Variants in MRPS35 observed in about 807,000 individuals in gnomAD.
The protein encoded by MRPS35 is mitochondrial ribosomal protein S35.
A neutral mutation model predicts 32.7 loss-of-function variants in MRPS35; 29 were observed. The observed-to-expected ratio is 0.89, with a 90% CI of 0.66 to 1.21. The LOEUF (loss-of-function observed/expected upper bound fraction) is 1.21. Among genes scored for constraint, MRPS35 ranks in the 50% most tolerant of loss-of-function variants. MRPS35 has a pLI of 0.00. For synonymous variants in MRPS35, 148 were observed against 139.3 expected (o/e 1.06, Z -0.44); for missense variants, 373 against 383.8 (o/e 0.97, Z 0.23).
In MRPS35 at chr12:27,724,193, GTTTT is replaced by G. The variant is rs762836743; in HGVS notation, c.522+11_522+14del. 167 of 1,537,710 alleles carry G rather than the reference GTTTT, an allele frequency of 1.1e-4. 1 individual carries two copies. Among genetic ancestry groups the G allele is most frequent in the South Asian group, 9.5e-4 (75 of 78,726 alleles). ...ACGAGTAGTAGTCTTAAGAGTAAGA[GTTTT>G]TTTCATTTTTTTTTTTTAAATAAGA... On this transcript the variant is annotated splice_region_variant and intron_variant, in intron 5 of 7. Coordinates refer to ENST00000081029, the MANE Select transcript of MRPS35 (RefSeq NM_021821.4).
At chr12:27,714,075 CAAAAA>C (rs34481044) in intron 1 of MRPS35, among the ~76,000 whole-genome samples, 4 of 78,586 alleles carry the variant, frequency 5.1e-5, no homozygotes, top group Admixed American at 1.5e-4. Flanking sequence ...GACCTTGTCT[CAAAAA>C]AAAAAAAAAA....
chr12:27,725,648 A>G (rs2061896653), intron 5 of MRPS35: 1 of 186,394 alleles, frequency 5.4e-6, no homozygotes, highest in Non-Finnish European at 1.2e-5. Flanking sequence ...CAACCTACAT[A>G]TTACCTGTCA....
chr12:27,756,275 A>G lies in MRPS35; in HGVS notation c.*825A>G, dbSNP rs1159110180. The G allele has an allele frequency of 6.6e-6, 1 of 152,270 alleles. No individual in the cohort carries two copies. 9.4% of individuals were successfully genotyped at this position (152,270 alleles called of 1,614,324 possible). Reference sequence around the variant, plus strand: ...TGGTTGTGATTAATTTAAAATCAAAATAAAGGAATTACTGAGTTTATTTGC... The same window carrying G: ...TGGTTGTGATTAATTTAAAATCAAAGTAAAGGAATTACTGAGTTTATTTGC... On this transcript the variant is annotated 3_prime_UTR_variant, in exon 8 of 8. Transcript: ENST00000081029.
At chr12:27,713,637 G>A (rs1208560399) in intron 1 of MRPS35, among the ~76,000 whole-genome samples, 1 of 152,114 alleles carries the variant, frequency 6.6e-6, no homozygotes, top group African/African-American at 2.4e-5. Context: ...GCCCTCAGCT[G>A]ATTGGATGAT....
At chr12:27,736,848 A>G (rs1040521638) in intron 6 of MRPS35, among the ~76,000 whole-genome samples, 4 of 152,142 alleles carry the variant, frequency 2.6e-5, no homozygotes, top group African/African-American at 4.8e-5. Flanking sequence ...ATTAACATCT[A>G]TCATCTTTCT....
intron 5 of MRPS35, among the ~76,000 whole-genome samples, chr12:27,733,388 C>T (rs1046435751): frequency 6.6e-6 from 1 of 152,116 alleles, no homozygotes; most frequent in African/African-American, 2.4e-5. Context: ...TTACACGTTG[C>T]AGTAATGATC....
chr12:27,741,923 C>G (rs938135675), intron 7 of MRPS35, among the ~76,000 whole-genome samples: 1 of 152,200 alleles, frequency 6.6e-6, no homozygotes. Flanking sequence ...ATTGTCAGAA[C>G]TATGTCTAGC....
In MRPS35 at chr12:27,729,831, A is replaced by G. The variant is rs192398520; in HGVS notation, c.523-5616A>G. ...TACTGTTACTCACCTGGACCACGCC[A>G]CGTGCCATTGCACTTCCAAGTGTCT... On this transcript the variant is annotated intron_variant, in intron 5 of 7. Coordinates refer to ENST00000081029, the MANE Select transcript of MRPS35 (RefSeq NM_021821.4). Among the ~76,000 whole-genome samples, 4 of 151,610 alleles carry G rather than the reference A, an allele frequency of 2.6e-5. No homozygotes were observed. The East Asian group carries it at 7.7e-4, about 29-fold the overall frequency.
rs777349533 is a variant in MRPS35 at position 27,728,687 on chromosome 12, G to A, written c.522+4501G>A. Among the ~76,000 whole-genome samples, 27 of 151,970 alleles carry A rather than the reference G, an allele frequency of 1.8e-4. 1 individual carries two copies. Among genetic ancestry groups the A allele is most frequent in the Non-Finnish European group, 3.5e-4 (24 of 68,002 alleles). On this transcript the variant is annotated intron_variant, in intron 5 of 7. Transcript: ENST00000081029. Reference sequence around the variant, plus strand: ...GGTAATGATGTATCTTATGTTATCTGGAATGGCAAACAACCCCACCTCCCT... The same window carrying A: ...GGTAATGATGTATCTTATGTTATCTAGAATGGCAAACAACCCCACCTCCCT...
intron 5 of MRPS35, among the ~76,000 whole-genome samples, chr12:27,734,283 C>A (rs2061934216): frequency 6.8e-6 from 1 of 147,248 alleles, no homozygotes; most frequent in Non-Finnish European, 1.5e-5. Context: ...GCTCTTGTTG[C>A]CCAGGCTGGA....
At chr12:27,731,431 G>T (rs1593469751) in intron 5 of MRPS35, among the ~76,000 whole-genome samples, 1 of 152,040 alleles carries the variant, frequency 6.6e-6, no homozygotes. Flanking sequence ...AACCATTTTC[G>T]CATTATGTAC....
intron 3 of MRPS35, among the ~76,000 whole-genome samples, chr12:27,719,373 T>TA (rs1216449388): frequency 6.6e-6 from 1 of 152,096 alleles, no homozygotes; most frequent in Non-Finnish European, 1.5e-5. Flanking sequence ...ATCAATATTG[T>TA]AAAAAAACAG....
At chr12:27,744,069 T>C (rs2061973178) in intron 7 of MRPS35, among the ~76,000 whole-genome samples, 2 of 152,264 alleles carry the variant, frequency 1.3e-5, no homozygotes, top group Non-Finnish European at 2.9e-5. Context: ...TTGAGGCTGT[T>C]ACTCTTTGTC....
intron 7 of MRPS35, among the ~76,000 whole-genome samples, chr12:27,741,685 C>T (rs1353300718): frequency 1.3e-5 from 2 of 151,916 alleles, no homozygotes; most frequent in African/African-American, 4.8e-5. Flanking sequence ...TAATTGAAAC[C>T]TTCCGTAAAT....
intron 7 of MRPS35, among the ~76,000 whole-genome samples, chr12:27,742,420 C>G (rs1036100628): frequency 2.6e-5 from 4 of 152,160 alleles, no homozygotes; most frequent in Non-Finnish European, 5.9e-5. Flanking sequence ...TGGAGGGAAA[C>G]CGTTGGTTAT....
intron 5 of MRPS35, among the ~76,000 whole-genome samples, chr12:27,727,541 T>TA (rs2061905451): frequency 6.6e-6 from 1 of 152,136 alleles, no homozygotes; most frequent in Non-Finnish European, 1.5e-5. Context: ...TAGGATTGTG[T>TA]AAATACATAA....
At chr12:27,754,492 C>T (rs769762276) in intron 7 of MRPS35, among the ~76,000 whole-genome samples, 1 of 151,944 alleles carries the variant, frequency 6.6e-6, no homozygotes, top group Non-Finnish European at 1.5e-5. Context: ...TTGGGCCAGG[C>T]GCAGTGGCTT....
rs1408248209 is a variant in MRPS35 at position 27,752,399 on chromosome 12, A to T, written c.703-2782A>T. On this transcript the variant is annotated intron_variant, in intron 7 of 7. Transcript: ENST00000081029. ...AAATGTGGGAATTATTAGTGGATTT[A>T]CTTTGATTAATTCCTCTGCGTAAGC... 3.9e-5 allele frequency among the ~76,000 whole-genome samples: 6 copies of T among 152,360 alleles called. No homozygotes were observed. In the East Asian group the frequency reaches 1.2e-3, roughly 29 times the overall value.
chr12:27,718,205 A>G (rs189294449), intron 3 of MRPS35, among the ~76,000 whole-genome samples: 16 of 152,290 alleles, frequency 1.1e-4, no homozygotes, highest in Admixed American at 9.8e-4. Context: ...CAGGCAGATC[A>G]CTTGAAGTCA....
Sources: gnomAD v4.1 joint callset for allele counts (sites outside exome capture counted in the v4.1 genomes callset) on GRCh38, gnomAD v4.1.1 for gene constraint, MANE v1.5 for transcripts, NCBI Gene and HGNC (gene_info 2026-07-23, HGNC 2026-07-21) for gene names.